The following PRKRIP1 variants were observed in gnomAD, a reference collection of about 807,000 sequenced individuals.
PRKRIP1 encodes the protein PRKR interacting protein 1, also known as PRKR-interacting protein 1.
A neutral mutation model predicts 29.3 loss-of-function variants in PRKRIP1; 29 were observed. The ratio of observed to expected loss-of-function variants is 0.99; its 90% confidence interval spans 0.74 to 1.35. The LOEUF is 1.35. Ranked by LOEUF, PRKRIP1 falls within the 40% of genes most tolerant of loss-of-function variation. The probability of loss-of-function intolerance (pLI) is 0.00; values close to 1 mark genes in which losing one functional copy is unlikely to be tolerated. For missense variants in PRKRIP1, 247 were observed against 236.8 expected, an observed-to-expected ratio of 1.04 and a Z score of -0.28; for synonymous variants, 90 against 85.1, an observed-to-expected ratio of 1.06 and a Z score of -0.32.
intron 5 of PRKRIP1, among the ~76,000 whole-genome samples, chr7:102,424,284 G>T (rs1189060376): frequency 6.6e-6 from 1 of 152,242 alleles, no homozygotes; most frequent in Admixed American, 6.5e-5. Context: ...TGGCTGGCCC[G>T]GGTGAGCCTA....
At chr7:102,415,657 C>G (rs775776329) in intron 5 of PRKRIP1, among the ~76,000 whole-genome samples, 1 of 152,250 alleles carries the variant, frequency 6.6e-6, no homozygotes, top group Non-Finnish European at 1.5e-5. Flanking sequence ...CTTGTATTAA[C>G]TAACAATCCT....
chr7:102,425,448 T>C lies in PRKRIP1; in HGVS notation c.*337T>C, dbSNP rs1213285902. On this transcript the variant is annotated 3_prime_UTR_variant, in exon 6 of 6. Coordinates refer to ENST00000397912, the MANE Select transcript of PRKRIP1 (RefSeq NM_024653.4). ...TATTTAGTAAAGAGCAGAACACCCT[T>C]GCGTTTTGTTGGGACATGTGGACCG... is the stretch of plus-strand genomic sequence containing the variant. 3 of 339,860 alleles carry C rather than the reference T, an allele frequency of 8.8e-6. No homozygotes were observed. In the Admixed American group the frequency reaches 1.4e-4, roughly 16 times the overall value. 21.1% of individuals were successfully genotyped at this position (339,860 alleles called of 1,614,324 possible).
chr7:102,404,499 A>T, intron 3 of PRKRIP1, 99 bp from the exon 4 acceptor site: 2 of 891,172 alleles, frequency 2.2e-6, no homozygotes, highest in Non-Finnish European at 3.6e-6. Flanking sequence ...CGTCACCCCC[A>T]GTGGTGTGAC....
intron 5 of PRKRIP1, among the ~76,000 whole-genome samples, chr7:102,415,907 G>A (rs533436888): frequency 5.3e-5 from 8 of 152,252 alleles, no homozygotes; most frequent in Non-Finnish European, 8.8e-5. Context: ...ATGCTGGTCT[G>A]TTCACTCCCT....
chr7:102,406,830 G>A (rs1230684541), intron 4 of PRKRIP1, among the ~76,000 whole-genome samples: 3 of 148,694 alleles, frequency 2.0e-5, no homozygotes, highest in Non-Finnish European at 4.4e-5. Context: ...GTCTAGCATC[G>A]TTTTCATAGT....
In PRKRIP1 at chr7:102,426,318, C is replaced by G. The variant is rs1554574454; in HGVS notation, c.*1207C>G. On this transcript the variant is annotated 3_prime_UTR_variant, in exon 6 of 6. Transcript: ENST00000397912. ...GGGCCTGGGAGGAGCCGAGACCAGC[C>G]TTTTACCTCGGGGTTTTGAGGCCAA... is the stretch of plus-strand genomic sequence containing the variant. 1 of 152,526 alleles carries G rather than the reference C, an allele frequency of 6.6e-6. No individual in the cohort carries two copies. The highest frequency in any genetic ancestry group is 1.5e-5 in the Non-Finnish European group (1 of 68,114). 9.4% of individuals were successfully genotyped at this position (152,526 alleles called of 1,614,324 possible). A position where few individuals can be genotyped will look rare whatever the true frequency, so the allele number is the denominator to read the frequency against.
intron 3 of PRKRIP1, among the ~76,000 whole-genome samples, chr7:102,402,082 GTT>G (rs1796088802): frequency 6.6e-6 from 1 of 152,146 alleles, no homozygotes; most frequent in Non-Finnish European, 1.5e-5. Context: ...GTATTAGACA[GTT>G]TTTGTCACAA....
At chr7:102,400,422 CAT>C (rs1163575267) in intron 3 of PRKRIP1, among the ~76,000 whole-genome samples, 3 of 152,002 alleles carry the variant, frequency 2.0e-5, no homozygotes, top group Non-Finnish European at 4.4e-5. Context: ...AATCTTTAAA[CAT>C]GGTGAGTAAA....
intron 1 of PRKRIP1, among the ~76,000 whole-genome samples, chr7:102,397,123 T>C (rs1795927078): frequency 6.6e-6 from 1 of 152,136 alleles, no homozygotes; most frequent in Non-Finnish European, 1.5e-5. Flanking sequence ...AGGTGTGGAC[T>C]GTGTTATACC....
At chr7:102,406,282 G>C (rs1796220254) in intron 4 of PRKRIP1, among the ~76,000 whole-genome samples, 1 of 152,064 alleles carries the variant, frequency 6.6e-6, no homozygotes, top group Non-Finnish European at 1.5e-5. Flanking sequence ...GACCTTTTTT[G>C]GTGCGAGTTT....
At chr7:102,416,683 GT>G (rs11455142) in intron 5 of PRKRIP1, among the ~76,000 whole-genome samples, 23 of 143,142 alleles carry the variant, frequency 1.6e-4, no homozygotes, top group African/African-American at 3.1e-4. Context: ...TTTGTGGGGT[GT>G]TTTTTTTTTT....
At chr7:102,403,576 A>G (rs1349460426) in intron 3 of PRKRIP1, among the ~76,000 whole-genome samples, 2 of 152,178 alleles carry the variant, frequency 1.3e-5, no homozygotes, top group Admixed American at 6.5e-5. Flanking sequence ...CGGTCTCTGC[A>G]ACCTCTGCCT....
chr7:102,425,215 TG>T lies in PRKRIP1; in HGVS notation c.*106del, dbSNP rs1554574300. On this transcript the variant is annotated 3_prime_UTR_variant, in exon 6 of 6. Transcript: ENST00000397912. Reference sequence around the variant, plus strand: ...CCCCCGCAAGGACCCGCTGACCCGCTGGATGGAGAGCAAAGGAGACCCCTCC... The same window carrying T: ...CCCCCGCAAGGACCCGCTGACCCGCTGATGGAGAGCAAAGGAGACCCCTCC... 6.5e-7 allele frequency: 1 copy of T among 1,528,022 alleles called. No homozygotes were observed. The highest frequency in any genetic ancestry group is 1.2e-5 in the South Asian group (1 of 83,336). The allele number at this position is 1,528,022 out of a possible 1,614,324, so 94.7% of individuals were successfully genotyped here.
chr7:102,403,593 T>A (rs1796129598), intron 3 of PRKRIP1, among the ~76,000 whole-genome samples: 1 of 152,136 alleles, frequency 6.6e-6, no homozygotes, highest in Non-Finnish European at 1.5e-5. Context: ...GCCTCTTGGG[T>A]TCAAGTGATT....
chr7:102,410,548 G>A (rs1487977917), intron 5 of PRKRIP1, among the ~76,000 whole-genome samples: 1 of 152,150 alleles, frequency 6.6e-6, no homozygotes, highest in African/African-American at 2.4e-5. Context: ...CATTTTTACA[G>A]CTACTGTGGC....
chr7:102,420,190 G>A (rs1402973807), intron 5 of PRKRIP1, among the ~76,000 whole-genome samples: 1 of 152,078 alleles, frequency 6.6e-6, no homozygotes. Context: ...CTGGCCTTGT[G>A]TGCTAGTTTT....
Position 102,413,959 on chromosome 7 carries a change from G to A in PRKRIP1, c.457+6461G>A, listed in dbSNP as rs920876246. ...TACTGGAAGGAGGGCCAGGTGCGGCGGCTCACACCTGTAATCATAGCACTT... is the reference window on the plus strand; with the variant it reads ...TACTGGAAGGAGGGCCAGGTGCGGCAGCTCACACCTGTAATCATAGCACTT... On this transcript the variant is annotated intron_variant, in intron 5 of 5. Coordinates refer to ENST00000397912, the MANE Select transcript of PRKRIP1 (RefSeq NM_024653.4). Among the ~76,000 whole-genome samples the A allele has an allele frequency of 5.3e-5, 8 of 152,240 alleles. No individual in the cohort carries two copies. The East Asian group carries it at 1.2e-3, about 22-fold the overall frequency.
chr7:102,396,521 G>A lies in PRKRIP1; in HGVS notation c.110G>A (p.Arg37Gln). ...AAEEQKLKLE[R>Q]LMKNPDKAVP... ...GAGGAGCAGAAGCTCAAGCTGGAGC[G>A]GCTCATGAAGAACCCGGTGAGACGA... The change falls in exon 1 of 6, where the codon CGG becomes CAG. Residue 37 changes from arginine (R) to glutamine (Q), a missense_variant. Around this residue, in one of 3 missense-constraint regions of PRKRIP1, gnomAD observed 105 missense variants for 80.2 expected, o/e 1.31. Transcript: ENST00000397912. 1 of 1,608,824 alleles carries A rather than the reference G, an allele frequency of 6.2e-7. No homozygotes were observed. Among genetic ancestry groups the A allele is most frequent in the Non-Finnish European group, 8.5e-7 (1 of 1,178,540 alleles).
At chr7:102,417,016 C>T (rs111452939) in intron 5 of PRKRIP1, among the ~76,000 whole-genome samples, 1,577 of 152,080 alleles carry the variant, frequency 0.01, 30 homozygotes, top group African/African-American at 0.035. Flanking sequence ...CCACCACTCC[C>T]GGCTAATTTT....
Sources: allele counts gnomAD v4.1 joint callset (sites outside exome capture counted in the v4.1 genomes callset), GRCh38; gene constraint gnomAD v4.1.1; regional missense constraint gnomAD v4.1.1; transcripts MANE v1.5; gene names NCBI Gene and HGNC (gene_info 2026-07-23, HGNC 2026-07-21).